Variants in HECTD4 observed in about 807,000 individuals in gnomAD.
HECTD4 encodes the protein HECT domain E3 ubiquitin protein ligase 4.
HECTD4 carries 114 observed loss-of-function variants against 471.5 expected under a neutral mutation model. That is an observed-to-expected ratio of 0.24 (90% CI 0.21 to 0.28). The LOEUF is 0.28. Among genes scored for constraint, HECTD4 ranks in the 10% least tolerant of loss-of-function variants. HECTD4 has a pLI of 1.00. For missense variants in HECTD4, 3,866 were observed against 5,651.5 expected (o/e 0.68, Z 10.13); for synonymous variants, 2,012 against 2,256.0 (o/e 0.89, Z 3.07).
At chr12:112,373,662 C>T (rs981757617) in intron 1 of HECTD4, among the ~76,000 whole-genome samples, 4 of 152,064 alleles carry the variant, frequency 2.6e-5, no homozygotes, top group Middle Eastern at 3.2e-3. Context: ...GCGCTGTTGT[C>T]GTGGGAGTGG....
chr12:112,203,375 T>C, intron 54 of HECTD4: 1 of 333,810 alleles, frequency 3.0e-6, no homozygotes, highest in East Asian at 5.4e-5. Context: ...GGACAGAAAA[T>C]AATGGTAGAG....
intron 54 of HECTD4, 116 bp from the exon 55 acceptor site, chr12:112,200,914 T>TG: frequency 3.4e-6 from 3 of 883,960 alleles, no homozygotes; most frequent in Admixed American, 5.1e-5. Context: ...TGTGTGTGTA[T>TG]TTTCAGTCCA....
At chr12:112,290,872 A>C (rs966459527) in intron 7 of HECTD4, among the ~76,000 whole-genome samples, 1 of 151,344 alleles carries the variant, frequency 6.6e-6, no homozygotes, top group African/African-American at 2.4e-5. Context: ...ACAAAAAAAA[A>C]AAACAAATCA....
intron 3 of HECTD4, among the ~76,000 whole-genome samples, chr12:112,313,617 A>T (rs2135692144): frequency 6.6e-6 from 1 of 150,896 alleles, no homozygotes; most frequent in East Asian, 2.0e-4. Flanking sequence ...CCTCCCAAAC[A>T]GCTGGGACTA....
In HECTD4 at chr12:112,342,343, C is replaced by T. The variant is rs527745588; in HGVS notation, c.178-22601G>A. 1.4e-4 allele frequency among the ~76,000 whole-genome samples: 22 copies of T among 152,248 alleles called. No homozygotes were observed. In the South Asian group the frequency reaches 4.6e-3, roughly 32 times the overall value. On this transcript the variant is annotated intron_variant, in intron 1 of 75. Coordinates refer to ENST00000682272, the MANE Select transcript of HECTD4 (RefSeq NM_001388303.1). ...GTGATAGTGCATGCCTGTAGTCCTA[C>T]AGGCTCAGGAGGCTGAGGTGGGAGG...
chr12:112,164,371 G>C, intron 72 of HECTD4, 96 bp from the exon 73 acceptor site: 2 of 1,336,264 alleles, frequency 1.5e-6, no homozygotes, highest in African/African-American at 1.4e-5. Flanking sequence ...GCAGCTGGTG[G>C]GGTCTACCCT....
At chr12:112,231,884 TC>T (rs2033388907) in intron 38 of HECTD4, among the ~76,000 whole-genome samples, 169 bp from the exon 39 acceptor site, 2 of 152,242 alleles carry the variant, frequency 1.3e-5, no homozygotes, top group South Asian at 4.2e-4. Flanking sequence ...CCAGGCCTCA[TC>T]CAGGCTGAGA....
intron 1 of HECTD4, among the ~76,000 whole-genome samples, chr12:112,371,759 G>A (rs1490199105): frequency 4.6e-5 from 7 of 151,584 alleles, no homozygotes; most frequent in Admixed American, 6.6e-5. Flanking sequence ...GGAGGCGGGC[G>A]CCTGTAATCC....
intron 1 of HECTD4, among the ~76,000 whole-genome samples, chr12:112,366,864 G>A (rs1292455642): frequency 3.0e-5 from 4 of 134,194 alleles, no homozygotes; most frequent in Admixed American, 2.4e-4. Flanking sequence ...TGGGCAACAA[G>A]AGTGAAACTC....
intron 1 of HECTD4, among the ~76,000 whole-genome samples, chr12:112,362,409 C>T (rs1242225665): frequency 6.6e-6 from 1 of 152,128 alleles, no homozygotes; most frequent in Non-Finnish European, 1.5e-5. Context: ...TCAATATTCT[C>T]CAGAGTGAAC....
intron 21 of HECTD4, 49 bp from the exon 22 acceptor site, chr12:112,254,211 A>G (rs772231472): frequency 1.3e-6 from 2 of 1,595,584 alleles, no homozygotes; most frequent in Non-Finnish European, 1.7e-6. Context: ...AAACAAAAAC[A>G]ACATCTACAA....
At chr12:112,379,275 C>T (rs907299696) in intron 1 of HECTD4, among the ~76,000 whole-genome samples, 3 of 152,192 alleles carry the variant, frequency 2.0e-5, no homozygotes, top group Admixed American at 6.5e-5. Flanking sequence ...TTGAACAAGT[C>T]GAATACCTAC....
chr12:112,351,289 A>G (rs1175885864), intron 1 of HECTD4, among the ~76,000 whole-genome samples: 1 of 152,188 alleles, frequency 6.6e-6, no homozygotes, highest in African/African-American at 2.4e-5. Context: ...AGACAAGGAG[A>G]CCAGCCTCAT....
chr12:112,332,381 A>G (rs2035859244), intron 1 of HECTD4, among the ~76,000 whole-genome samples: 1 of 151,916 alleles, frequency 6.6e-6, no homozygotes, highest in Admixed American at 6.6e-5. Context: ...TACTAAAAAT[A>G]CAAAAATTAG....
At chr12:112,221,433 T>A (rs1858529967) in intron 44 of HECTD4, among the ~76,000 whole-genome samples, 1 of 151,888 alleles carries the variant, frequency 6.6e-6, no homozygotes, top group South Asian at 2.1e-4. Flanking sequence ...ATAGGGAGTT[T>A]CCTCCATTTT....
chr12:112,264,116 T>C lies in HECTD4; in HGVS notation c.2716A>G (p.Ser906Gly). The stretch of plus-strand genomic sequence containing the variant: ...TTCAATGTCTCTCCCTGCAAGGAGC[T>C]GTCACTGTCATCATTCTCATCAGGT... ...IKPDENDDSD[S>G]SLQGETLKVQ... Residue 906 changes from serine (S) to glycine (G), a missense_variant, in exon 17 of 76, where the codon AGC becomes GGC. This residue lies in a region of HECTD4 where 525 missense variants were observed against 672.6 expected (regional missense o/e 0.78). Coordinates refer to ENST00000682272, the MANE Select transcript of HECTD4 (RefSeq NM_001388303.1). The C allele has an allele frequency of 6.2e-7, 1 of 1,610,134 alleles. No homozygotes were observed. Among genetic ancestry groups the C allele is most frequent in the Non-Finnish European group, 8.5e-7 (1 of 1,178,224 alleles).
chr12:112,361,770 A>G lies in HECTD4; in HGVS notation c.177+20182T>C, dbSNP rs113857723. On this transcript the variant is annotated intron_variant, in intron 1 of 75. Transcript: ENST00000682272. ...CCAGGTTATTTGTCACTGACTCCATATACCATCCTCCTTTAAATCCCACAG... is the reference window on the plus strand; with the variant it reads ...CCAGGTTATTTGTCACTGACTCCATGTACCATCCTCCTTTAAATCCCACAG... Among the ~76,000 whole-genome samples the G allele has an allele frequency of 1.2e-3, 185 of 152,282 alleles. 1 individual carries two copies. Among genetic ancestry groups the G allele is most frequent in the African/African-American group, 4.3e-3 (178 of 41,562 alleles).
At chr12:112,364,524 G>A (rs934923163) in intron 1 of HECTD4, among the ~76,000 whole-genome samples, 9 of 152,140 alleles carry the variant, frequency 5.9e-5, no homozygotes, top group African/African-American at 2.2e-4. Context: ...CAGCCCAGGA[G>A]TTTGAGACCA....
intron 10 of HECTD4, 93 bp from the exon 11 acceptor site, chr12:112,273,888 G>C (rs1244993561): frequency 6.9e-7 from 1 of 1,445,892 alleles, no homozygotes; most frequent in Non-Finnish European, 9.4e-7. Context: ...GAAGGGCAAG[G>C]ATGCTCTCTA....
Sources: allele counts gnomAD v4.1 joint callset (sites outside exome capture counted in the v4.1 genomes callset), GRCh38; gene constraint gnomAD v4.1.1; regional missense constraint gnomAD v4.1.1; transcripts MANE v1.5; gene names NCBI Gene and HGNC (gene_info 2026-07-23, HGNC 2026-07-21).